SLA: variants seen among roughly 807,000 people sequenced by gnomAD.
SLA encodes the protein src-like-adapter.
In SLA, 16 loss-of-function variants were observed where a neutral mutation model predicts 30.3. The ratio of observed to expected loss-of-function variants is 0.53; its 90% CI spans 0.36 to 0.80. SLA has a LOEUF of 0.80. SLA is among the 30% of genes least tolerant of loss of function. SLA has a pLI of 0.01. For missense variants in SLA, 310 were observed against 345.2 expected (o/e 0.90, Z 0.81); for synonymous variants, 143 against 137.8 (o/e 1.04, Z -0.26).
At chr8:133,055,383 A>G (rs971662874) in intron 3 of SLA, among the ~76,000 whole-genome samples, 1 of 149,652 alleles carries the variant, frequency 6.7e-6, no homozygotes, top group African/African-American at 2.5e-5. Context: ...ACACACACAC[A>G]CACACACACA....
chr8:133,089,958 C>T, intron 1 of SLA: 1 of 152,126 alleles, frequency 6.6e-6, no homozygotes, highest in East Asian at 1.9e-4. Context: ...CCCTGAATTC[C>T]CAAAGTGCAA....
At chr8:133,054,879 G>A (rs917476810) in intron 3 of SLA, among the ~76,000 whole-genome samples, 19 of 152,174 alleles carry the variant, frequency 1.2e-4, no homozygotes, top group Non-Finnish European at 2.5e-4. Flanking sequence ...TCATTCTTTG[G>A]TGCTGCATGA....
At chr8:133,041,200 C>A (rs940786920) in intron 7 of SLA, among the ~76,000 whole-genome samples, 1 of 152,228 alleles carries the variant, frequency 6.6e-6, no homozygotes, top group Non-Finnish European at 1.5e-5. Flanking sequence ...GGCTAAGCCA[C>A]CCCTGGCCTC....
chr8:133,043,535 A>G (rs1838727422), intron 7 of SLA, among the ~76,000 whole-genome samples: 1 of 152,208 alleles, frequency 6.6e-6, no homozygotes, highest in African/African-American at 2.4e-5. Context: ...AACGCACTAC[A>G]TGAACGATTG....
intron 1 of SLA, chr8:133,095,309 C>A: frequency 6.5e-7 from 1 of 1,526,816 alleles, no homozygotes; most frequent in Non-Finnish European, 9.1e-7. Context: ...AGCCATACCA[C>A]ACATGAGGCT....
At chr8:133,078,944 C>T (rs1185032553) in intron 1 of SLA, among the ~76,000 whole-genome samples, 1 of 152,060 alleles carries the variant, frequency 6.6e-6, no homozygotes, top group African/African-American at 2.4e-5. Flanking sequence ...AGAAAGATGT[C>T]GGTAGGGAGG....
chr8:133,090,370 A>C (rs570527290), intron 1 of SLA, among the ~76,000 whole-genome samples: 1 of 152,334 alleles, frequency 6.6e-6, no homozygotes, highest in South Asian at 2.1e-4. Context: ...GAAAAGACAT[A>C]GTCCTTCCTA....
At chr8:133,061,151 C>T (rs572843169) in intron 2 of SLA, among the ~76,000 whole-genome samples, 35 of 152,322 alleles carry the variant, frequency 2.3e-4, no homozygotes, top group Middle Eastern at 3.4e-3. Flanking sequence ...GCTGGGATTA[C>T]AGGCACACAT....
intron 1 of SLA, among the ~76,000 whole-genome samples, chr8:133,097,634 T>C (rs900568398): frequency 3.4e-4 from 51 of 152,226 alleles, no homozygotes; most frequent in Non-Finnish European, 2.1e-4. Flanking sequence ...TATTTGTAAG[T>C]GTGTATATTT....
In SLA at chr8:133,038,908, C is replaced by T. The variant is rs554968564; in HGVS notation, c.618-171G>A. ...CTTTATTTATTTTAAGATGGAGTCT[C>T]GCTCTGTTGCCCAGGCTGGAGTGCA... On this transcript the variant is annotated intron_variant, in intron 8 of 8. Coordinates refer to ENST00000338087, the MANE Select transcript of SLA (RefSeq NM_001045556.3). Among the ~76,000 whole-genome samples, 12 of 152,290 alleles carry T rather than the reference C, an allele frequency of 7.9e-5. No homozygotes were observed. The South Asian group carries it at 1.2e-3, about 16-fold the overall frequency.
rs1036418527 is a variant in SLA at position 133,036,732 on chromosome 8, A to G, written c.*1792T>C. On this transcript the variant is annotated 3_prime_UTR_variant, in exon 9 of 9. Transcript: ENST00000338087. The stretch of plus-strand genomic sequence containing the variant: ...AACCCAGAAACTCTCCCTGTGTGCC[A>G]AGGGTTAAATATTTATTAGGTTTGT... The G allele has an allele frequency of 6.6e-6, 1 of 152,660 alleles. No homozygotes were observed. The highest frequency in any genetic ancestry group is 2.4e-5 in the African/African-American group (1 of 41,450). 9.5% of individuals were successfully genotyped at this position (152,660 alleles called of 1,614,324 possible). A position where few individuals can be genotyped will look rare whatever the true frequency, so the allele number is the denominator to read the frequency against.
chr8:133,072,781 T>C (rs1412990833), intron 2 of SLA: 1 of 152,208 alleles, frequency 6.6e-6, no homozygotes, highest in Non-Finnish European at 1.5e-5. Flanking sequence ...GAAAGTGACT[T>C]AGGAAAGTGT....
chr8:133,038,230 C>T lies in SLA; in HGVS notation c.*294G>A. 2.4e-6 allele frequency: 1 copy of T among 411,642 alleles called. No individual in the cohort carries two copies. Among genetic ancestry groups the T allele is most frequent in the Admixed American group, 4.0e-5 (1 of 24,898 alleles). 25.5% of individuals were successfully genotyped at this position (411,642 alleles called of 1,614,324 possible). The stretch of plus-strand genomic sequence containing the variant: ...CCCTTTCTTGTGAGAGTGGCTTTGT[C>T]CTTCCCACACACACAATGTGTGCAT... On this transcript the variant is annotated 3_prime_UTR_variant, in exon 9 of 9. Coordinates refer to ENST00000338087, the MANE Select transcript of SLA (RefSeq NM_001045556.3).
At chr8:133,072,392 A>G (rs142332582) in intron 2 of SLA, among the ~76,000 whole-genome samples, 34 of 152,326 alleles carry the variant, frequency 2.2e-4, no homozygotes, top group African/African-American at 8.2e-4. Flanking sequence ...AGTCGATCAC[A>G]TGATGTGACC....
chr8:133,041,333 G>A (rs1838192825), intron 7 of SLA, among the ~76,000 whole-genome samples: 1 of 152,248 alleles, frequency 6.6e-6, no homozygotes, highest in Non-Finnish European at 1.5e-5. Context: ...ATTTGTAGCA[G>A]AAGAAGCACA....
Position 133,075,120 on chromosome 8 carries a change from C to G in SLA, c.-308G>C. On this transcript the variant is annotated 5_prime_UTR_variant, in exon 2 of 9. Coordinates refer to ENST00000338087, the MANE Select transcript of SLA (RefSeq NM_001045556.3). ...CAGTAACCACTCTGAGCAAGCTTCT[C>G]TCTGCAAGGACTGGGAAGATAGATG... The G allele has an allele frequency of 5.1e-6, 5 of 985,456 alleles. No individual in the cohort carries two copies. Among genetic ancestry groups the G allele is most frequent in the Non-Finnish European group, 6.0e-6 (5 of 829,932 alleles). The allele number at this position is 985,456 out of a possible 1,614,324, so 61.0% of individuals were successfully genotyped here.
At chr8:133,050,038 C>A (rs752831556) in intron 4 of SLA, 50 bp from the exon 5 acceptor site, 1 of 1,187,316 alleles carries the variant, frequency 8.4e-7, no homozygotes, top group Non-Finnish European at 1.3e-6. Flanking sequence ...AATAGCAAAA[C>A]CAAAGGATGA....
intron 1 of SLA, among the ~76,000 whole-genome samples, chr8:133,078,175 G>A (rs908362030): frequency 6.6e-5 from 10 of 152,132 alleles, no homozygotes; most frequent in South Asian, 2.1e-4. Flanking sequence ...CATCATACAC[G>A]TGACCCAAGA....
chr8:133,039,488 A>C (rs563106022), intron 8 of SLA, among the ~76,000 whole-genome samples: 5 of 152,336 alleles, frequency 3.3e-5, no homozygotes, highest in Admixed American at 2.6e-4. Context: ...AAGATAACCC[A>C]CCAATCCCAA....
Sources: allele counts gnomAD v4.1 joint callset (sites outside exome capture counted in the v4.1 genomes callset), GRCh38; gene constraint gnomAD v4.1.1; transcripts MANE v1.5; gene names NCBI Gene and HGNC (gene_info 2026-07-23, HGNC 2026-07-21).